Variants in NAV3 observed in about 807,000 individuals in gnomAD.
NAV3 encodes the protein neuron navigator 3, also known as pore membrane and/or filament interacting like protein 1.
In NAV3, 87 loss-of-function variants were observed where a neutral mutation model predicts 244.7. The observed-to-expected ratio is 0.36, with a 90% CI of 0.30 to 0.42. The LOEUF (loss-of-function observed/expected upper bound fraction) is 0.42. NAV3 is among the 20% of genes least tolerant of loss of function. The probability of loss-of-function intolerance (pLI) is 1.00; values close to 1 mark genes in which losing one functional copy is unlikely to be tolerated. For missense variants in NAV3, 2,663 were observed against 2,893.3 expected (o/e 0.92, Z 1.83); for synonymous variants, 1,126 against 1,042.2 (o/e 1.08, Z -1.55).
intron 3 of NAV3, among the ~76,000 whole-genome samples, chr12:77,953,147 A>G (rs972452613): frequency 2.0e-5 from 3 of 152,146 alleles, no homozygotes; most frequent in Non-Finnish European, 4.4e-5. Context: ...CTGATACAAA[A>G]TATTAAACGA....
intron 2 of NAV3, among the ~76,000 whole-genome samples, chr12:77,714,535 G>T (rs949711826): frequency 6.6e-6 from 1 of 152,102 alleles, no homozygotes; most frequent in African/African-American, 2.4e-5. Context: ...GTCTTACTCC[G>T]CCAGTAATTA....
chr12:77,804,779 C>T (rs536275844), intron 2 of NAV3, among the ~76,000 whole-genome samples: 15 of 152,036 alleles, frequency 9.9e-5, no homozygotes, highest in Admixed American at 3.9e-4. Flanking sequence ...GCCATTTTCA[C>T]GATATTGATT....
intron 2 of NAV3, among the ~76,000 whole-genome samples, chr12:77,822,658 A>G (rs1046970907): frequency 6.6e-6 from 1 of 152,148 alleles, no homozygotes; most frequent in African/African-American, 2.4e-5. Context: ...CCAGGCCTGG[A>G]TAATAAACTT....
intron 1 of NAV3, among the ~76,000 whole-genome samples, chr12:77,860,934 G>A (rs1409877408): frequency 6.6e-6 from 1 of 151,846 alleles, no homozygotes; most frequent in Non-Finnish European, 1.5e-5. Context: ...GAATTACTTG[G>A]CTGTACCCTA....
intron 2 of NAV3, among the ~76,000 whole-genome samples, chr12:77,824,885 C>G (rs897820789): frequency 7.2e-6 from 1 of 138,130 alleles, no homozygotes; most frequent in Non-Finnish European, 1.5e-5. Flanking sequence ...GAACAAGACT[C>G]CGTCTCAAAA....
chr12:78,071,881 T>C (rs1251472175), intron 12 of NAV3, among the ~76,000 whole-genome samples: 1 of 152,136 alleles, frequency 6.6e-6, no homozygotes, highest in African/African-American at 2.4e-5. Flanking sequence ...ATTAAGAATC[T>C]CACTCAAAAC....
At chr12:77,854,991 G>C (rs1048091329) in intron 1 of NAV3, among the ~76,000 whole-genome samples, 1 of 152,216 alleles carries the variant, frequency 6.6e-6, no homozygotes. Context: ...GCTGGGCGTG[G>C]TGGCGGGCGC....
chr12:77,965,379 G>A (rs541005048), intron 3 of NAV3, among the ~76,000 whole-genome samples: 165 of 152,252 alleles, frequency 1.1e-3, no homozygotes, highest in African/African-American at 3.7e-3. Flanking sequence ...TAAAACTTTG[G>A]GAGGCCAAGG....
At chr12:78,130,153 A>G (rs1487433861) in intron 18 of NAV3, among the ~76,000 whole-genome samples, 1 of 152,112 alleles carries the variant, frequency 6.6e-6, no homozygotes, top group African/African-American at 2.4e-5. Context: ...TTTGGGGACT[A>G]TTTTGCCTTA....
intron 2 of NAV3, among the ~76,000 whole-genome samples, chr12:77,660,089 C>T (rs1376599176): frequency 6.6e-6 from 1 of 151,326 alleles, no homozygotes; most frequent in African/African-American, 2.4e-5. Flanking sequence ...TGCACATGTA[C>T]CCTAAAAGTT....
intron 2 of NAV3, among the ~76,000 whole-genome samples, chr12:77,609,023 T>C (rs966869304): frequency 6.6e-6 from 1 of 152,118 alleles, no homozygotes; most frequent in Non-Finnish European, 1.5e-5. Context: ...TGTCCCTACC[T>C]GATTCTCTGC....
chr12:78,015,894 C>T (rs1402641144), intron 8 of NAV3, among the ~76,000 whole-genome samples: 1 of 152,052 alleles, frequency 6.6e-6, no homozygotes, highest in Non-Finnish European at 1.5e-5. Flanking sequence ...ATTTTCTCCC[C>T]ATGATCTTTC....
intron 2 of NAV3, among the ~76,000 whole-genome samples, chr12:77,745,056 G>A (rs557576228): frequency 6.6e-6 from 1 of 152,024 alleles, no homozygotes; most frequent in Admixed American, 6.6e-5. Flanking sequence ...GTGAGGTGCT[G>A]CTACATAAGT....
chr12:78,043,754 A>G (rs1881281963), intron 9 of NAV3, among the ~76,000 whole-genome samples: 1 of 152,156 alleles, frequency 6.6e-6, no homozygotes, highest in South Asian at 2.1e-4. Flanking sequence ...GTCTGTTCAT[A>G]TACTTCACCC....
At chr12:78,199,562 C>T (rs757542318) in intron 37 of NAV3, 31 bp downstream of exon 37, 24 of 1,507,538 alleles carry the variant, frequency 1.6e-5, no homozygotes, top group Non-Finnish European at 1.9e-5. Context: ...ATGCCATTTT[C>T]CAGGAACTAA....
chr12:77,662,578 C>G (rs1401730448), intron 2 of NAV3, among the ~76,000 whole-genome samples: 1 of 152,014 alleles, frequency 6.6e-6, no homozygotes, highest in Non-Finnish European at 1.5e-5. Flanking sequence ...GTGCCTAGTA[C>G]TTGTTTAATA....
At chr12:77,851,720 TTATGA>T (rs910585641) in intron 1 of NAV3, among the ~76,000 whole-genome samples, 11 of 152,156 alleles carry the variant, frequency 7.2e-5, no homozygotes, top group African/African-American at 2.7e-4. Context: ...AATTTATATA[TTATGA>T]TATGGTAAAA....
intron 2 of NAV3, among the ~76,000 whole-genome samples, chr12:77,814,200 G>A (rs1872431195): frequency 6.6e-6 from 1 of 151,824 alleles, no homozygotes; most frequent in Non-Finnish European, 1.5e-5. Context: ...CCTAAAGGAG[G>A]AAATGTATCA....
In NAV3 at chr12:78,052,441, G is replaced by A. The variant is rs576640981; in HGVS notation, c.2516+1294G>A. Among the ~76,000 whole-genome samples the A allele has an allele frequency of 6.0e-4, 91 of 152,040 alleles. 1 individual carries two copies. The highest frequency in any genetic ancestry group is 1.2e-3 in the Non-Finnish European group (82 of 68,024). On this transcript the variant is annotated intron_variant, in intron 11 of 39. Coordinates refer to ENST00000397909, the MANE Select transcript of NAV3 (RefSeq NM_001024383.2). The stretch of plus-strand genomic sequence containing the variant: ...CCATTCACTATCTGTGGACCCCTTC[G>A]GAACCTAACGTATCCAAATTAGTTT...
Sources: allele counts gnomAD v4.1 joint callset (sites outside exome capture counted in the v4.1 genomes callset), GRCh38; gene constraint gnomAD v4.1.1; transcripts MANE v1.5; gene names NCBI Gene and HGNC (gene_info 2026-07-23, HGNC 2026-07-21).